ADAM32: variants seen among roughly 807,000 people sequenced by gnomAD.
The protein encoded by ADAM32 is disintegrin and metalloproteinase domain-containing protein 32.
ADAM32 carries 89 observed loss-of-function variants against 114.9 expected under a neutral mutation model. That is an observed-to-expected ratio of 0.77 (90% CI 0.65 to 0.92). The LOEUF (loss-of-function observed/expected upper bound fraction) is 0.92. Among genes scored for constraint, ADAM32 ranks in the 40% least tolerant of loss-of-function variants. ADAM32 has a pLI of 0.00. For missense variants in ADAM32, 870 were observed against 932.8 expected, an observed-to-expected ratio of 0.93 and a Z score of 0.88; for synonymous variants, 285 against 307.5, an observed-to-expected ratio of 0.93 and a Z score of 0.77.
At position 39,187,009 on chromosome 8, in the gene ADAM32, G is replaced by A; in HGVS notation, c.1016G>A (p.Cys339Tyr). The change falls in exon 11 of 25, where the codon TGT becomes TAT. Residue 339 changes from cysteine (C) to tyrosine (Y), a missense_variant. Cys to Tyr is a radical substitution (Grantham distance 194). Coordinates refer to ENST00000379907, the MANE Select transcript of ADAM32 (RefSeq NM_145004.7). Reference sequence around the variant, plus strand: ...TATGACGACCCAAAGAAATGTCAATGTTCAGAATCCACCTGTATAATGAAT... The same window carrying A: ...TATGACGACCCAAAGAAATGTCAATATTCAGAATCCACCTGTATAATGAAT... ...ISYDDPKKCQ[C>Y]SESTCIMNPE... is the part of the protein sequence containing the mutation. 3 of 1,612,860 alleles carry A rather than the reference G, an allele frequency of 1.9e-6. No individual in the cohort carries two copies. The highest frequency in any genetic ancestry group is 1.1e-5 in the South Asian group (1 of 90,908).
chr8:39,199,748 T>C (rs1807261898), intron 11 of ADAM32, among the ~76,000 whole-genome samples: 1 of 152,070 alleles, frequency 6.6e-6, no homozygotes, highest in Non-Finnish European at 1.5e-5. Context: ...ATTAGGTATA[T>C]CTCCTAATGC....
intron 10 of ADAM32, among the ~76,000 whole-genome samples, chr8:39,175,940 A>G (rs1398595870): frequency 6.6e-6 from 1 of 152,012 alleles, no homozygotes. Context: ...GAATTTATCC[A>G]TTTCTTCTAG....
intron 11 of ADAM32, among the ~76,000 whole-genome samples, chr8:39,197,861 A>G (rs1278137478): frequency 6.6e-6 from 1 of 152,140 alleles, no homozygotes; most frequent in Non-Finnish European, 1.5e-5. Context: ...ATTAAATCTG[A>G]TGTTTCTTTG....
intron 17 of ADAM32, 39 bp from the exon 18 acceptor site, chr8:39,254,375 A>G (rs1811501605): frequency 2.7e-6 from 4 of 1,471,432 alleles, no homozygotes; most frequent in Admixed American, 2.0e-5. Context: ...CTGAGAAAAT[A>G]TTTTAAAACA....
Position 39,200,443 on chromosome 8 carries a change from C to T in ADAM32, c.1053-10701C>T, listed in dbSNP as rs186840016. 9.4e-3 allele frequency among the ~76,000 whole-genome samples: 715 copies of T among 76,310 alleles called. 12 individuals are homozygous for T. Among genetic ancestry groups the T allele is most frequent in the African/African-American group, 0.033 (689 of 21,060 alleles). 50.1% of individuals were successfully genotyped at this position (76,310 alleles called of 152,430 possible). On this transcript the variant is annotated intron_variant, in intron 11 of 24. Transcript: ENST00000379907. The stretch of plus-strand genomic sequence containing the variant: ...CTTCTTTTAAGAAGTGTCTGTTCAT[C>T]TCCTTCGCCCACTTTTTGATGGGGT...
chr8:39,243,305 A>T (rs1162147077), intron 16 of ADAM32, among the ~76,000 whole-genome samples: 1 of 152,210 alleles, frequency 6.6e-6, no homozygotes, highest in African/African-American at 2.4e-5. Context: ...TCACCCTAAT[A>T]TCAAAACCAG....
intron 2 of ADAM32, chr8:39,129,978 A>G: frequency 2.9e-6 from 1 of 346,824 alleles, no homozygotes; most frequent in South Asian, 2.3e-5. Context: ...TTTTCAAGAC[A>G]ATGTCTCACT....
chr8:39,237,148 A>T (rs763890735), intron 16 of ADAM32, among the ~76,000 whole-genome samples: 1 of 152,212 alleles, frequency 6.6e-6, no homozygotes, highest in Non-Finnish European at 1.5e-5. Context: ...ATGAATTTAG[A>T]GAGCCGAGCA....
intron 11 of ADAM32, among the ~76,000 whole-genome samples, chr8:39,199,262 C>A (rs141001823): frequency 2.0e-5 from 3 of 152,156 alleles, no homozygotes; most frequent in African/African-American, 7.2e-5. Flanking sequence ...TCTTGCAAAA[C>A]TTTGGAGAGT....
At chr8:39,219,202 T>C (rs866670021) in intron 12 of ADAM32, among the ~76,000 whole-genome samples, 1 of 152,140 alleles carries the variant, frequency 6.6e-6, no homozygotes, top group Admixed American at 6.5e-5. Context: ...TTTGGCGCTG[T>C]GCACTCTGCT....
In ADAM32 at chr8:39,186,911, C is replaced by G. The variant is rs1585488951; in HGVS notation, c.918C>G (p.Tyr306Ter). 6.2e-7 allele frequency: 1 copy of G among 1,606,132 alleles called. No individual in the cohort carries two copies. The highest frequency in any genetic ancestry group is 8.5e-7 in the Non-Finnish European group (1 of 1,176,140). Residue 306 changes from tyrosine (Y) to a stop codon, truncating the protein, a stop_gained and splice_region_variant, in exon 11 of 25, where the codon TAC (tyrosine) becomes TAG (stop). Transcript: ENST00000379907. LOFTEE classifies it high-confidence loss of function. ...ITRYSAGVAL[Y>*]PKEITLEAFA... ...AATTTTCTTTGTTGTTATTATAGTA[C>G]CCCAAGGAGATAACTCTGGAGGCAT...
Position 39,131,207 on chromosome 8 carries a change from C to T in ADAM32, c.139-5450C>T, listed in dbSNP as rs551825229. 5.3e-5 allele frequency among the ~76,000 whole-genome samples: 8 copies of T among 152,216 alleles called. No individual in the cohort carries two copies. In the East Asian group the frequency reaches 7.7e-4, roughly 15 times the overall value. ...TCCTGACCTCGTGATCTGCCCGCCT[C>T]GGCCTCCTAAAGTGCTGGGATTACA... On this transcript the variant is annotated intron_variant, in intron 2 of 24. Transcript: ENST00000379907.
At chr8:39,154,224 G>A (rs1416949501) in intron 6 of ADAM32, among the ~76,000 whole-genome samples, 1 of 151,474 alleles carries the variant, frequency 6.6e-6, no homozygotes, top group African/African-American at 2.4e-5. Context: ...AGTGTGTGAT[G>A]TTCCCCTCCC....
chr8:39,168,619 T>C (rs1805000331), intron 9 of ADAM32: 1 of 152,264 alleles, frequency 6.6e-6, no homozygotes, highest in South Asian at 2.1e-4. Flanking sequence ...TCTTACTTTT[T>C]GGTTTCCTGT....
intron 10 of ADAM32, among the ~76,000 whole-genome samples, chr8:39,182,930 G>A (rs552294650): frequency 6.6e-6 from 1 of 152,262 alleles, no homozygotes; most frequent in African/African-American, 2.4e-5. Flanking sequence ...GCAGACCTTG[G>A]TGTTGGGTTC....
intron 16 of ADAM32, among the ~76,000 whole-genome samples, chr8:39,237,543 C>A (rs1810256093): frequency 6.7e-6 from 1 of 149,294 alleles, no homozygotes; most frequent in Non-Finnish European, 1.5e-5. Flanking sequence ...GCTTGGGGAG[C>A]ATGGTGGGAG....
chr8:39,110,380 T>C (rs56328817), intron 1 of ADAM32, among the ~76,000 whole-genome samples: 17,061 of 152,226 alleles, frequency 0.11, 1,041 homozygotes, highest in Middle Eastern at 0.16. Context: ...CGCTTTTTTA[T>C]TTTTAGTGCT....
chr8:39,127,559 C>T (rs1474433230), intron 2 of ADAM32, among the ~76,000 whole-genome samples: 1 of 151,974 alleles, frequency 6.6e-6, no homozygotes, highest in Non-Finnish European at 1.5e-5. Flanking sequence ...TTTGAATCTT[C>T]TCTCTTTTTC....
chr8:39,199,668 A>G (rs566574430), intron 11 of ADAM32, among the ~76,000 whole-genome samples: 1 of 152,174 alleles, frequency 6.6e-6, no homozygotes, highest in East Asian at 1.9e-4. Flanking sequence ...CATGTGAACA[A>G]TGTGCAGGTT....
Sources: allele counts gnomAD v4.1 joint callset (sites outside exome capture counted in the v4.1 genomes callset), GRCh38; gene constraint gnomAD v4.1.1; transcripts MANE v1.5; gene names NCBI Gene and HGNC (gene_info 2026-07-23, HGNC 2026-07-21).